CRISPLD2: variants seen among roughly 807,000 people sequenced by gnomAD.
CRISPLD2 encodes the protein cysteine-rich secretory protein LCCL domain-containing 2.
Under a neutral mutation model 71.1 loss-of-function variants are expected in CRISPLD2, and 47 were observed. The observed-to-expected ratio is 0.66, with a 90% CI of 0.52 to 0.84. The LOEUF (loss-of-function observed/expected upper bound fraction) is 0.84. Among genes scored for constraint, CRISPLD2 ranks in the 40% least tolerant of loss-of-function variants. The pLI is 0.00. For missense variants in CRISPLD2, 830 were observed against 651.1 expected (o/e 1.27, Z -2.99); for synonymous variants, 317 against 250.1 (o/e 1.27, Z -2.52).
In CRISPLD2 at chr16:84,849,506, C is replaced by G; in HGVS notation, c.481C>G (p.His161Asp). ...GAGGTGCTCGGGGCCCATGTGCACGCACTACACACAGGTAACTCGGGGACT... is the reference window on the plus strand; with the variant it reads ...GAGGTGCTCGGGGCCCATGTGCACGGACTACACACAGGTAACTCGGGGACT... ...PERCSGPMCTHYTQIVWATTN... is the reference protein window; with the variant it reads ...PERCSGPMCTDYTQIVWATTN... The change falls in exon 4 of 15, where the codon CAC becomes GAC. Residue 161 changes from histidine (H) to aspartate (D), a missense_variant. Transcript: ENST00000262424. 1 of 1,614,070 alleles carries G rather than the reference C, an allele frequency of 6.2e-7. No individual in the cohort carries two copies. The highest frequency in any genetic ancestry group is 1.1e-5 in the South Asian group (1 of 91,084).
intron 1 of CRISPLD2, among the ~76,000 whole-genome samples, chr16:84,828,043 G>A (rs560428316): frequency 1.2e-4 from 18 of 152,120 alleles, no homozygotes; most frequent in African/African-American, 3.6e-4. Context: ...TCCCAGTCCC[G>A]AGGGCAGATT....
chr16:84,834,159 C>G lies in CRISPLD2; in HGVS notation c.-74-4263C>G, dbSNP rs59454465. Among the ~76,000 whole-genome samples, 1,362 of 152,288 alleles carry G rather than the reference C, an allele frequency of 8.9e-3. 13 individuals are homozygous for G. Among genetic ancestry groups the G allele is most frequent in the East Asian group, 0.045 (233 of 5,178 alleles). ...TCTGTAGAGTGGGAGTGATGGAGCC[C>G]AGACTCTGGAAAGTCAGGAGGGTGA... On this transcript the variant is annotated intron_variant, in intron 1 of 14. Transcript: ENST00000262424.
rs147383925 is a variant in CRISPLD2, at chr16:84,872,250, C to T, written c.915-192C>T. Among the ~76,000 whole-genome samples, 31 of 152,252 alleles carry T rather than the reference C, an allele frequency of 2.0e-4. No homozygotes were observed. The East Asian group carries it at 2.9e-3, about 14-fold the overall frequency. On this transcript the variant is annotated intron_variant, in intron 8 of 14. Transcript: ENST00000262424. ...CCAATCCCCCACGGATACCGAGGGA[C>T]GACTGTATTGTGCTTGCGTGAATCA...
intron 14 of CRISPLD2, among the ~76,000 whole-genome samples, chr16:84,889,570 C>G (rs1480097708): frequency 7.1e-6 from 1 of 140,274 alleles, no homozygotes; most frequent in South Asian, 2.4e-4. Flanking sequence ...TCCCTACTAT[C>G]ACATTTGGGA....
chr16:84,847,732 G>C (rs1916954937), intron 3 of CRISPLD2, among the ~76,000 whole-genome samples: 1 of 152,176 alleles, frequency 6.6e-6, no homozygotes, highest in Admixed American at 6.5e-5. Flanking sequence ...GCCTGGTTCG[G>C]CTCTTTTCAT....
At position 84,860,820 on chromosome 16, in the gene CRISPLD2, T is replaced by C. The variant is rs1917359148; in HGVS notation, c.709+5991T>C. On this transcript the variant is annotated intron_variant, in intron 6 of 14. Coordinates refer to ENST00000262424, the MANE Select transcript of CRISPLD2 (RefSeq NM_031476.4). ...GGTCAGCCACTTGCATGAGAAGAGC[T>C]TGTGTCTGTTTTTCCACAATTTCAG... is the stretch of plus-strand genomic sequence containing the variant. Among the ~76,000 whole-genome samples, 3 of 152,174 alleles carry C rather than the reference T, an allele frequency of 2.0e-5. No homozygotes were observed. The South Asian group carries it at 6.2e-4, about 32-fold the overall frequency.
At chr16:84,845,494 G>A (rs139180544) in intron 2 of CRISPLD2, among the ~76,000 whole-genome samples, 3 of 152,344 alleles carry the variant, frequency 2.0e-5, no homozygotes, top group Admixed American at 6.5e-5. Context: ...GTTACCCTCA[G>A]AGGTCACTCA....
chr16:84,827,443 C>G (rs1416893174), intron 1 of CRISPLD2, among the ~76,000 whole-genome samples: 1 of 152,154 alleles, frequency 6.6e-6, no homozygotes, highest in Admixed American at 6.5e-5. Context: ...GCCTCCTGAC[C>G]CCATTCCTCC....
chr16:84,881,142 C>T (rs73251564), intron 13 of CRISPLD2, among the ~76,000 whole-genome samples: 2 of 152,298 alleles, frequency 1.3e-5, no homozygotes, highest in African/African-American at 2.4e-5. Flanking sequence ...TAAATGTTTT[C>T]GCAGTTTGAA....
intron 1 of CRISPLD2, among the ~76,000 whole-genome samples, chr16:84,824,278 C>T (rs1409993537): frequency 1.3e-5 from 2 of 152,154 alleles, no homozygotes; most frequent in Admixed American, 6.6e-5. Flanking sequence ...GTCTGTCCTG[C>T]AGGTGTTGTG....
intron 8 of CRISPLD2, among the ~76,000 whole-genome samples, chr16:84,870,635 T>A (rs1363920216): frequency 6.6e-6 from 1 of 152,196 alleles, no homozygotes; most frequent in Non-Finnish European, 1.5e-5. Flanking sequence ...TATTTTCACT[T>A]AGTATTTTCC....
At chr16:84,888,562 G>T (rs1051744329) in intron 13 of CRISPLD2, among the ~76,000 whole-genome samples, 4 of 152,140 alleles carry the variant, frequency 2.6e-5, no homozygotes, top group African/African-American at 9.7e-5. Context: ...ACCTAGAATA[G>T]TCCAGACGCC....
At chr16:84,867,132 T>A (rs1949289903) in intron 7 of CRISPLD2, 92 bp downstream of exon 7, 3 of 1,351,250 alleles carry the variant, frequency 2.2e-6, no homozygotes, top group Non-Finnish European at 3.1e-6. Flanking sequence ...TGGATTTAGG[T>A]CTGCAAATCC....
chr16:84,847,422 TG>T (rs919142530), intron 3 of CRISPLD2, among the ~76,000 whole-genome samples: 3 of 152,090 alleles, frequency 2.0e-5, no homozygotes, highest in African/African-American at 7.2e-5. Flanking sequence ...GAGGCCAAGG[TG>T]GGCAGAATAC....
intron 6 of CRISPLD2, among the ~76,000 whole-genome samples, chr16:84,855,941 C>T (rs534540690): frequency 6.6e-6 from 1 of 152,324 alleles, no homozygotes; most frequent in East Asian, 1.9e-4. Flanking sequence ...AAGATATTTT[C>T]TTAGTACAAG....
Position 84,877,437 on chromosome 16 carries a change from G to A in CRISPLD2, c.1157-1G>A. Reference sequence around the variant, plus strand: ...CCTTTCCCCCTTGCTCCTGTTCACAGTGCAGGATTTGGACTGCTACACGAC... The same window carrying A: ...CCTTTCCCCCTTGCTCCTGTTCACAATGCAGGATTTGGACTGCTACACGAC... On this transcript the variant is annotated splice_acceptor_variant, in intron 11 of 14. Transcript: ENST00000262424. LOFTEE classifies it high-confidence loss of function. 2 of 1,613,772 alleles carry A rather than the reference G, an allele frequency of 1.2e-6. No individual in the cohort carries two copies. Among genetic ancestry groups the A allele is most frequent in the Non-Finnish European group, 8.5e-7 (1 of 1,179,728 alleles).
At chr16:84,894,841 C>T (rs1270131000) in intron 14 of CRISPLD2, among the ~76,000 whole-genome samples, 2 of 152,142 alleles carry the variant, frequency 1.3e-5, no homozygotes, top group African/African-American at 2.4e-5. Context: ...TGAGTACCCA[C>T]GGCTGGTGGC....
chr16:84,892,883 G>A lies in CRISPLD2; in HGVS notation c.1439+3520G>A, dbSNP rs1020793248. On this transcript the variant is annotated intron_variant, in intron 14 of 14. Coordinates refer to ENST00000262424, the MANE Select transcript of CRISPLD2 (RefSeq NM_031476.4). ...GCCAGCTACTCGGGAGGCTGAGGCA[G>A]GAGAATCGCTTGAAACCAGGAGGCG... Among the ~76,000 whole-genome samples, 3 of 149,754 alleles carry A rather than the reference G, an allele frequency of 2.0e-5. No homozygotes were observed. In the South Asian group the frequency reaches 6.3e-4, roughly 31 times the overall value.
intron 2 of CRISPLD2, among the ~76,000 whole-genome samples, chr16:84,845,283 G>A (rs756791527): frequency 8.5e-5 from 13 of 152,214 alleles, no homozygotes; most frequent in South Asian, 2.1e-4. Flanking sequence ...GGTAAAGCCC[G>A]AGGCCTGGTG....
Sources: allele counts gnomAD v4.1 joint callset (sites outside exome capture counted in the v4.1 genomes callset), GRCh38; gene constraint gnomAD v4.1.1; transcripts MANE v1.5; gene names NCBI Gene and HGNC (gene_info 2026-07-23, HGNC 2026-07-21).